PRKG1: variants seen among roughly 807,000 people sequenced by gnomAD.
PRKG1 encodes cGMP-dependent protein kinase 1.
Under a neutral mutation model 88.1 loss-of-function variants are expected in PRKG1, and 35 were observed. That is an observed-to-expected ratio of 0.40 (90% confidence interval 0.30 to 0.53). The LOEUF is 0.53. PRKG1 is among the 20% of genes least tolerant of loss of function. PRKG1 has a pLI of 0.59. For missense variants in PRKG1, 540 were observed against 839.8 expected (o/e 0.64, Z 4.41); for synonymous variants, 303 against 292.5 (o/e 1.04, Z -0.37).
chr10:51,978,965 T>C (rs992629367), intron 5 of PRKG1, among the ~76,000 whole-genome samples: 5 of 152,256 alleles, frequency 3.3e-5, no homozygotes, highest in South Asian at 2.1e-4. Flanking sequence ...TTCTCTTGCC[T>C]GATTGCTCTG....
chr10:51,207,390 G>A (rs1838089981), intron 2 of PRKG1, among the ~76,000 whole-genome samples: 1 of 152,190 alleles, frequency 6.6e-6, no homozygotes, highest in Non-Finnish European at 1.5e-5. Context: ...ATGAAAAGAC[G>A]AGAGTGTCTA....
chr10:51,574,186 C>T (rs564118182), intron 3 of PRKG1, among the ~76,000 whole-genome samples: 6 of 152,010 alleles, frequency 3.9e-5, no homozygotes, highest in African/African-American at 1.4e-4. Context: ...ATTTGTGTGG[C>T]TCTCATCTCT....
chr10:51,931,321 A>C (rs755170736), intron 5 of PRKG1, among the ~76,000 whole-genome samples: 3 of 152,160 alleles, frequency 2.0e-5, no homozygotes, highest in Non-Finnish European at 1.5e-5. Context: ...ATAATAAATA[A>C]AATGCTAGAG....
chr10:51,748,965 T>G (rs992035059), intron 3 of PRKG1, among the ~76,000 whole-genome samples: 2 of 152,206 alleles, frequency 1.3e-5, no homozygotes, highest in Non-Finnish European at 2.9e-5. Flanking sequence ...GAAAGGAAAA[T>G]GAAGTTAAAA....
intron 2 of PRKG1, among the ~76,000 whole-genome samples, chr10:51,216,872 C>T (rs1389643754): frequency 6.6e-6 from 1 of 152,138 alleles, no homozygotes; most frequent in Non-Finnish European, 1.5e-5. Context: ...TATCAGGCTA[C>T]TATAATATAA....
At chr10:52,036,003 G>A (rs1158250108) in intron 5 of PRKG1, among the ~76,000 whole-genome samples, 4 of 152,184 alleles carry the variant, frequency 2.6e-5, no homozygotes, top group Non-Finnish European at 4.4e-5. Flanking sequence ...AGGTGCTTGG[G>A]TTTGAGAGAT....
chr10:51,697,974 C>T (rs867975488), intron 3 of PRKG1: 1 of 1,605,888 alleles, frequency 6.2e-7, no homozygotes, highest in East Asian at 2.3e-5. Context: ...TGCATCCCTC[C>T]TCCTTGTATG....
At chr10:51,118,951 G>A (rs1390906551) in intron 1 of PRKG1, among the ~76,000 whole-genome samples, 1 of 152,030 alleles carries the variant, frequency 6.6e-6, no homozygotes, top group Non-Finnish European at 1.5e-5. Context: ...ATATGTTACT[G>A]TTACATTTTA....
rs149056001 is a variant in PRKG1, at chr10:52,112,511, A to G, written c.936-21329A>G. ...ATAAGATATCTTGAAACTCTCAAAA[A>G]TTATAATGAGCACCAATAAATCCAT... On this transcript the variant is annotated intron_variant, in intron 7 of 17. Coordinates refer to ENST00000373980, the MANE Select transcript of PRKG1 (RefSeq NM_006258.4). Among the ~76,000 whole-genome samples the G allele has an allele frequency of 3.3e-3, 500 of 152,316 alleles. 2 individuals carry two copies. The highest frequency in any genetic ancestry group is 0.011 in the African/African-American group (473 of 41,582).
intron 2 of PRKG1, among the ~76,000 whole-genome samples, chr10:51,322,352 ATGTG>A (rs2132510852): frequency 6.6e-6 from 1 of 152,272 alleles, no homozygotes; most frequent in South Asian, 2.1e-4. Context: ...TAAATCTGGA[ATGTG>A]TTTCTTTCTG....
At chr10:51,636,205 A>G (rs545223805) in intron 3 of PRKG1, among the ~76,000 whole-genome samples, 1 of 152,220 alleles carries the variant, frequency 6.6e-6, no homozygotes, top group African/African-American at 2.4e-5. Flanking sequence ...ACACTTCTTG[A>G]CTTATGAATA....
intron 7 of PRKG1, among the ~76,000 whole-genome samples, chr10:52,079,982 C>G (rs976592005): frequency 2.0e-5 from 3 of 152,106 alleles, no homozygotes; most frequent in African/African-American, 7.2e-5. Flanking sequence ...GGTAGCACAG[C>G]TTTCTCCAAA....
At chr10:51,965,954 T>C (rs1564731494) in intron 5 of PRKG1, among the ~76,000 whole-genome samples, 1 of 152,196 alleles carries the variant, frequency 6.6e-6, no homozygotes, top group African/African-American at 2.4e-5. Context: ...AATACATTCT[T>C]TAGAAAGTAC....
Position 51,188,984 on chromosome 10 carries a change from T to G in PRKG1, c.478+35654T>G, listed in dbSNP as rs902874571. Among the ~76,000 whole-genome samples the G allele has an allele frequency of 2.6e-5, 4 of 152,044 alleles. No homozygotes were observed. The South Asian group carries it at 6.2e-4, about 24-fold the overall frequency. On this transcript the variant is annotated intron_variant, in intron 2 of 17. Transcript: ENST00000373980. ...TCCCTTTTGTGGGAGAGGGTTGGGC[T>G]GCACTAATGTATCACTGGAAAGTAT...
chr10:51,472,227 T>G (rs1276531113), intron 3 of PRKG1, among the ~76,000 whole-genome samples: 1 of 151,940 alleles, frequency 6.6e-6, no homozygotes, highest in Non-Finnish European at 1.5e-5. Flanking sequence ...TCTGGAGTTT[T>G]GTGTTTATTT....
At chr10:51,506,442 C>T (rs1054299823) in intron 3 of PRKG1, among the ~76,000 whole-genome samples, 1 of 152,172 alleles carries the variant, frequency 6.6e-6, no homozygotes, top group African/African-American at 2.4e-5. Flanking sequence ...CTACAATGAA[C>T]TCAAACAGAT....
chr10:52,233,020 G>T (rs557487794), intron 9 of PRKG1, among the ~76,000 whole-genome samples: 1 of 152,168 alleles, frequency 6.6e-6, no homozygotes, highest in African/African-American at 2.4e-5. Context: ...GTTAAGACTG[G>T]GAAAGAGAGG....
chr10:51,891,492 T>C (rs1358367786), intron 4 of PRKG1, among the ~76,000 whole-genome samples: 1 of 152,212 alleles, frequency 6.6e-6, no homozygotes. Context: ...TATTAAAGCA[T>C]TTACTTCAAG....
At chr10:51,163,956 T>C (rs1003650999) in intron 2 of PRKG1, among the ~76,000 whole-genome samples, 3 of 152,304 alleles carry the variant, frequency 2.0e-5, no homozygotes, top group Admixed American at 6.5e-5. Context: ...TAGGCTCCAC[T>C]TCTGGGGGCA....
Sources: allele counts gnomAD v4.1 joint callset (sites outside exome capture counted in the v4.1 genomes callset), GRCh38; gene constraint gnomAD v4.1.1; transcripts MANE v1.5; gene names NCBI Gene and HGNC (gene_info 2026-07-23, HGNC 2026-07-21).